AGAP1: variants seen among roughly 807,000 people sequenced by gnomAD.
The protein encoded by AGAP1 is ArfGAP with GTPase domain, ankyrin repeat and PH domain 1.
In AGAP1, 29 loss-of-function variants were observed where a neutral mutation model predicts 105.3. The ratio of observed to expected loss-of-function variants is 0.28; its 90% confidence interval spans 0.21 to 0.38. AGAP1 has a LOEUF of 0.38. Among genes scored for constraint, AGAP1 ranks in the 10% least tolerant of loss-of-function variants. The probability of loss-of-function intolerance (pLI) is 1.00; values close to 1 mark genes in which losing one functional copy is unlikely to be tolerated. For synonymous variants in AGAP1, 509 were observed against 485.9 expected (o/e 1.05, Z -0.63); for missense variants, 998 against 1,165.1 (o/e 0.86, Z 2.09).
chr2:235,803,698 T>C (rs1426033904), intron 8 of AGAP1, among the ~76,000 whole-genome samples: 2 of 152,260 alleles, frequency 1.3e-5, no homozygotes, highest in African/African-American at 2.4e-5. Flanking sequence ...TGCTCCCAGA[T>C]GTTTGTTTGC....
intron 13 of AGAP1, among the ~76,000 whole-genome samples, chr2:236,032,548 C>T (rs73123785): frequency 0.23 from 34,478 of 152,004 alleles, 4,414 homozygotes; most frequent in African/African-American, 0.35. Context: ...TGTAATCTTA[C>T]AGAGTGAGGT....
chr2:235,584,212 A>G (rs1267971920), intron 1 of AGAP1, among the ~76,000 whole-genome samples: 2 of 126,966 alleles, frequency 1.6e-5, no homozygotes, highest in East Asian at 2.1e-4. Flanking sequence ...TTTTTTTTGC[A>G]TGGAAATCTG....
intron 15 of AGAP1, among the ~76,000 whole-genome samples, chr2:236,048,317 G>A (rs3768947): frequency 0.077 from 11,708 of 152,250 alleles, 494 homozygotes; most frequent in East Asian, 0.2. Context: ...GCTGCTGTCT[G>A]AATCCATTTC....
rs923532340 is a variant in AGAP1 at position 235,635,611 on chromosome 2, C to T, written c.164-73568C>T. ...TCTTTTGGAAACCTAGAGCAACCTA[C>T]TAGATCAATGAGTTTTCTAGGGAGG... On this transcript the variant is annotated intron_variant, in intron 1 of 17. Coordinates refer to ENST00000304032, the MANE Select transcript of AGAP1 (RefSeq NM_001037131.3). This position sits in a 1 kb window ranked among gnomAD's most constrained non-coding sequence, Gnocchi z 5.3. 6.6e-6 allele frequency among the ~76,000 whole-genome samples: 1 copy of T among 151,990 alleles called. No homozygotes were observed. The highest frequency in any genetic ancestry group is 2.4e-5 in the African/African-American group (1 of 41,376).
chr2:236,007,625 A>G (rs2125545689), intron 13 of AGAP1, among the ~76,000 whole-genome samples: 1 of 152,374 alleles, frequency 6.6e-6, no homozygotes, highest in South Asian at 2.1e-4. Context: ...GGAATTTTTG[A>G]AAAAGATTTT....
At chr2:235,546,165 C>T (rs1455149561) in intron 1 of AGAP1, among the ~76,000 whole-genome samples, 1 of 152,236 alleles carries the variant, frequency 6.6e-6, no homozygotes, top group Admixed American at 6.5e-5. Flanking sequence ...CCAATCTGGG[C>T]TGTTCTGCTA....
rs574588916 is a variant in AGAP1, at chr2:235,811,732, C to CCCCGG, written c.1050+4410_1050+4414dup. Among the ~76,000 whole-genome samples, 124 of 152,336 alleles carry CCCCGG rather than the reference C, an allele frequency of 8.1e-4. 2 individuals carry two copies. In the East Asian group the frequency reaches 0.02, roughly 24 times the overall value. ...CATGCAGACCCCTCAGAGGGGCCGCCCCCGGCCCGGCCCAGCTCTGGCCAG... is the reference window on the plus strand; with the variant it reads ...CATGCAGACCCCTCAGAGGGGCCGCCCCCGGCCCGGCCCGGCCCAGCTCTGGCCAG... On this transcript the variant is annotated intron_variant, in intron 9 of 17. Transcript: ENST00000304032.
chr2:235,803,892 CTG>C (rs1338515461), intron 8 of AGAP1, among the ~76,000 whole-genome samples: 2 of 152,150 alleles, frequency 1.3e-5, no homozygotes, highest in African/African-American at 4.8e-5. Context: ...CATTAAAAGA[CTG>C]TATCCATTTA....
In AGAP1 at chr2:235,733,654, C is replaced by T. The variant is rs150237272; in HGVS notation, c.311-7309C>T. 2.4e-3 allele frequency among the ~76,000 whole-genome samples: 360 copies of T among 152,206 alleles called. 2 individuals are homozygous for T. The highest frequency in any genetic ancestry group is 4.4e-3 in the Non-Finnish European group (296 of 68,018). On this transcript the variant is annotated intron_variant, in intron 3 of 17. Transcript: ENST00000304032. This position sits in a 1 kb window ranked among gnomAD's most constrained non-coding sequence, Gnocchi z 5.0. ...TTCCTTTTGTACCTTACTTAGATCTCGGTTAAATGAAACCATGAGAGACCG... is the reference window on the plus strand; with the variant it reads ...TTCCTTTTGTACCTTACTTAGATCTTGGTTAAATGAAACCATGAGAGACCG...
In AGAP1 at chr2:235,728,777, A is replaced by G. The variant is rs949287629; in HGVS notation, c.310+11133A>G. 1.3e-5 allele frequency among the ~76,000 whole-genome samples: 2 copies of G among 152,220 alleles called. No individual in the cohort carries two copies. The highest frequency in any genetic ancestry group is 4.8e-5 in the African/African-American group (2 of 41,462). Reference sequence around the variant, plus strand: ...AATACATTGAAATGAAAGCGTGCCTAGTGGAGCAAGAGCGGGGCGGGGAGG... The same window carrying G: ...AATACATTGAAATGAAAGCGTGCCTGGTGGAGCAAGAGCGGGGCGGGGAGG... On this transcript the variant is annotated intron_variant, in intron 3 of 17. Transcript: ENST00000304032. The surrounding 1 kb of genome is among the most constrained non-coding windows in gnomAD (Gnocchi z 4.3).
rs1405265423 is a variant in AGAP1, at chr2:235,741,050, T to TGA, written c.396+4_396+5dup. ...GAAGGGGGCCCCCCGGAGGCGCAGG[T>TGA]GAGTATACATGCATGCCCCAAGCCT... On this transcript the variant is annotated splice_region_variant and intron_variant, in intron 4 of 17. Coordinates refer to ENST00000304032, the MANE Select transcript of AGAP1 (RefSeq NM_001037131.3). This position sits in a 1 kb window ranked among gnomAD's most constrained non-coding sequence, Gnocchi z 4.9. 2 of 1,613,204 alleles carry TGA rather than the reference T, an allele frequency of 1.2e-6. No homozygotes were observed. The highest frequency in any genetic ancestry group is 2.7e-5 in the African/African-American group (2 of 74,900).
At position 236,014,573 on chromosome 2, in the gene AGAP1, A is replaced by G. The variant is rs1239555947; in HGVS notation, c.1646-21988A>G. On this transcript the variant is annotated intron_variant, in intron 13 of 17. Transcript: ENST00000304032. The surrounding 1 kb of genome is among the most constrained non-coding windows in gnomAD (Gnocchi z 6.3). Reference sequence around the variant, plus strand: ...GGGTAGTTCTTTGACGTTAGATGCAATCCTGATGACCCTGCTCCACCTCTG... The same window carrying G: ...GGGTAGTTCTTTGACGTTAGATGCAGTCCTGATGACCCTGCTCCACCTCTG... Among the ~76,000 whole-genome samples, 1 of 152,078 alleles carries G rather than the reference A, an allele frequency of 6.6e-6. No individual in the cohort carries two copies. Among genetic ancestry groups the G allele is most frequent in the Non-Finnish European group, 1.5e-5 (1 of 68,024 alleles).
At chr2:235,678,381 A>G (rs1264170828) in intron 1 of AGAP1, among the ~76,000 whole-genome samples, 3 of 152,212 alleles carry the variant, frequency 2.0e-5, no homozygotes, top group African/African-American at 7.2e-5. Context: ...TAGAAAGGAC[A>G]CAGTGTCTAG....
At position 235,960,355 on chromosome 2, in the gene AGAP1, C is replaced by T. The variant is rs1037027424; in HGVS notation, c.1484-8107C>T. Among the ~76,000 whole-genome samples the T allele has an allele frequency of 2.0e-5, 3 of 152,144 alleles. No individual in the cohort carries two copies. The highest frequency in any genetic ancestry group is 7.2e-5 in the African/African-American group (3 of 41,428). On this transcript the variant is annotated intron_variant, in intron 12 of 17. Transcript: ENST00000304032. This position sits in a 1 kb window ranked among gnomAD's most constrained non-coding sequence, Gnocchi z 4.9. Reference sequence around the variant, plus strand: ...CCTGTGTCCTCTGAAAAGCTTGCCTCCTTCTCCCCGCAGTGGCCAGGACAA... The same window carrying T: ...CCTGTGTCCTCTGAAAAGCTTGCCTTCTTCTCCCCGCAGTGGCCAGGACAA...
At chr2:235,762,291 C>T (rs1291612264) in intron 6 of AGAP1, among the ~76,000 whole-genome samples, 1 of 152,086 alleles carries the variant, frequency 6.6e-6, no homozygotes, top group African/African-American at 2.4e-5. Flanking sequence ...TCTTTAACCT[C>T]AGAAAGGGTG....
rs141734557 is a variant in AGAP1, at chr2:235,893,971, A to AAC, written c.1155+10537_1155+10538dup. 3.8e-3 allele frequency among the ~76,000 whole-genome samples: 575 copies of AAC among 151,436 alleles called. 2 individuals carry two copies. The highest frequency in any genetic ancestry group is 0.013 in the African/African-American group (524 of 41,366). ...CCCTAAACTGACATAGGGTTGGGTGAACACACACACACACACGTAATCACT... is the reference window on the plus strand; with the variant it reads ...CCCTAAACTGACATAGGGTTGGGTGAACACACACACACACACACGTAATCACT... On this transcript the variant is annotated intron_variant, in intron 10 of 17. Coordinates refer to ENST00000304032, the MANE Select transcript of AGAP1 (RefSeq NM_001037131.3). This position sits in a 1 kb window ranked among gnomAD's most constrained non-coding sequence, Gnocchi z 4.7.
At chr2:235,853,006 C>T in intron 9 of AGAP1, 3 of 1,247,350 alleles carry the variant, frequency 2.4e-6, no homozygotes, top group Middle Eastern at 6.2e-4. Flanking sequence ...GAGCGCTCCT[C>T]CAGAAAGTTC....
chr2:235,999,490 AGGTGGTGGTGGTAGTGGTGAT>A (rs1213199498), intron 13 of AGAP1, among the ~76,000 whole-genome samples: 4 of 124,578 alleles, frequency 3.2e-5, no homozygotes, highest in South Asian at 2.7e-4. Flanking sequence ...CGATGGTGAG[AGGTGGTGGTGGTAGTGGTGAT>A]GGTGGTGGTG....
At chr2:235,756,952 A>G (rs543085532) in intron 6 of AGAP1, among the ~76,000 whole-genome samples, 3 of 151,622 alleles carry the variant, frequency 2.0e-5, no homozygotes, top group Non-Finnish European at 2.9e-5. Flanking sequence ...GACTGCTGCT[A>G]TATAGAATTT....
Sources: allele counts gnomAD v4.1 joint callset (sites outside exome capture counted in the v4.1 genomes callset), GRCh38; gene constraint gnomAD v4.1.1; non-coding constraint Gnocchi (gnomAD v3.1); transcripts MANE v1.5; gene names NCBI Gene and HGNC (gene_info 2026-07-23, HGNC 2026-07-21).